Variants in ADGRV1 observed in about 807,000 individuals in gnomAD.
ADGRV1 encodes G-protein coupled receptor 98.
Under a neutral mutation model 596.2 loss-of-function variants are expected in ADGRV1, and 359 were observed. The ratio of observed to expected loss-of-function variants is 0.60; its 90% CI spans 0.55 to 0.66. The LOEUF is 0.66. Among genes scored for constraint, ADGRV1 ranks in the 30% least tolerant of loss-of-function variants. ADGRV1 has a pLI of 0.00. For missense variants in ADGRV1, 7,274 were observed against 7,575.6 expected (o/e 0.96, Z 1.48); for synonymous variants, 2,681 against 2,679.2 (o/e 1.00, Z -0.02).
chr5:90,787,043 A>T (rs1206826835), intron 67 of ADGRV1, among the ~76,000 whole-genome samples: 1 of 152,204 alleles, frequency 6.6e-6, no homozygotes, highest in East Asian at 1.9e-4. Flanking sequence ...GATCAGAGGA[A>T]GGAGAACCAG....
In ADGRV1 at chr5:90,672,615, G is replaced by T; in HGVS notation, c.4822G>T (p.Val1608Phe). The T allele has an allele frequency of 6.2e-7, 1 of 1,613,746 alleles. No individual in the cohort carries two copies. Among genetic ancestry groups the T allele is most frequent in the Non-Finnish European group, 8.5e-7 (1 of 1,179,716 alleles). Residue 1608 changes from valine to phenylalanine, a missense_variant, in exon 22 of 90, where the codon GTT becomes TTT. By Grantham distance (50) the Val-to-Phe change is conservative. Transcript: ENST00000405460. ...CAGAGGAGCTCTGGATTATGTGCAT[G>T]TTTTTTACACCATTTCACAGATTGA... ...RTRGALDYVH[V>F]FYTISQIETD... is the part of the protein sequence containing the mutation.
intron 87 of ADGRV1, among the ~76,000 whole-genome samples, chr5:91,128,090 C>G (rs1248672531): frequency 6.6e-6 from 1 of 151,790 alleles, no homozygotes; most frequent in Non-Finnish European, 1.5e-5. Flanking sequence ...TCCCAATGCC[C>G]TCCCCTCCCT....
chr5:90,829,012 C>A lies in ADGRV1; in HGVS notation c.16437C>A (p.Asn5479Lys), dbSNP rs747967195. Residue 5479 changes from asparagine to lysine, a missense_variant, in exon 77 of 90, where the codon AAC becomes AAA. Around this residue, in one of 5 missense-constraint regions of ADGRV1, gnomAD observed 1,874 missense variants for 1,970.2 expected, o/e 0.95. Coordinates refer to ENST00000405460, the MANE Select transcript of ADGRV1 (RefSeq NM_032119.4). ...CTACTGCTGGAGCAGCAATAAACAACAGTGCCAGATTCGCACAGATTAAAA... is the reference window on the plus strand; with the variant it reads ...CTACTGCTGGAGCAGCAATAAACAAAAGTGCCAGATTCGCACAGATTAAAA... ...YEATAGAAIN[N>K]SARFAQIKIL... 6.8e-6 allele frequency: 11 copies of A among 1,608,548 alleles called. No individual in the cohort carries two copies. In the East Asian group the frequency reaches 2.5e-4, roughly 36 times the overall value.
intron 87 of ADGRV1, 68 bp from the exon 88 acceptor site, chr5:91,149,962 G>A: frequency 7.5e-7 from 1 of 1,329,790 alleles, no homozygotes; most frequent in Non-Finnish European, 1.0e-6. Context: ...TACGGTAGCA[G>A]GACTGACTTT....
intron 83 of ADGRV1, among the ~76,000 whole-genome samples, chr5:90,926,172 T>G (rs1774421795): frequency 6.6e-6 from 1 of 151,418 alleles, no homozygotes; most frequent in South Asian, 2.1e-4. Flanking sequence ...GGATTCCCTC[T>G]TTTTGTATTG....
chr5:90,650,916 C>G (rs1347070587), intron 17 of ADGRV1, among the ~76,000 whole-genome samples: 1 of 152,168 alleles, frequency 6.6e-6, no homozygotes, highest in Non-Finnish European at 1.5e-5. Context: ...ATGGGAAGGA[C>G]TTTTGCTCCC....
intron 71 of ADGRV1, 35 bp from the exon 72 acceptor site, chr5:90,805,249 A>G (rs1028169955): frequency 6.3e-6 from 10 of 1,581,478 alleles, no homozygotes; most frequent in Non-Finnish European, 7.8e-6. Context: ...AGGTTTAGAG[A>G]GAAATAAAAT....
chr5:91,086,567 A>G (rs149983231), intron 86 of ADGRV1, among the ~76,000 whole-genome samples: 1 of 152,288 alleles, frequency 6.6e-6, no homozygotes, highest in Non-Finnish European at 1.5e-5. Flanking sequence ...GAGTCTCACT[A>G]TAGACTTACT....
intron 1 of ADGRV1, among the ~76,000 whole-genome samples, chr5:90,590,550 C>A (rs1759354674): frequency 6.6e-6 from 1 of 152,140 alleles, no homozygotes; most frequent in Non-Finnish European, 1.5e-5. Context: ...TCCAAGAGGA[C>A]TGGGCAGAAA....
intron 89 of ADGRV1, among the ~76,000 whole-genome samples, chr5:91,158,532 G>T (rs1189701842): frequency 6.6e-6 from 1 of 152,110 alleles, no homozygotes; most frequent in Non-Finnish European, 1.5e-5. Flanking sequence ...CTGTTAATCA[G>T]GTTTGTTCTA....
intron 1 of ADGRV1, among the ~76,000 whole-genome samples, chr5:90,576,747 G>C (rs1485289888): frequency 6.6e-6 from 1 of 152,124 alleles, no homozygotes. Flanking sequence ...GTCTGAAAGC[G>C]TTCCTATTTC....
At chr5:90,986,392 C>G (rs924353013) in intron 85 of ADGRV1, among the ~76,000 whole-genome samples, 1 of 151,900 alleles carries the variant, frequency 6.6e-6, no homozygotes, top group African/African-American at 2.4e-5. Context: ...AGTTAAAGTA[C>G]TATATCAGCA....
chr5:90,946,614 C>G (rs1434624349), intron 83 of ADGRV1, among the ~76,000 whole-genome samples: 4 of 152,052 alleles, frequency 2.6e-5, no homozygotes, highest in Non-Finnish European at 2.9e-5. Flanking sequence ...CTCCCTCCCC[C>G]CACTCCCCAC....
intron 28 of ADGRV1, 145 bp from the exon 29 acceptor site, chr5:90,685,635 T>TGGAAA (rs1745520281): frequency 4.3e-6 from 1 of 232,624 alleles, no homozygotes. Flanking sequence ...AATAAATAAA[T>TGGAAA]AAATAAAATA....
intron 83 of ADGRV1, among the ~76,000 whole-genome samples, chr5:90,961,507 A>AGTG (rs1554178780): frequency 1.2e-5 from 1 of 82,024 alleles, no homozygotes; most frequent in African/African-American, 5.8e-5. Flanking sequence ...AAAAAAAAAA[A>AGTG]GGGGGGGTGG....
At chr5:90,675,202 A>G in intron 23 of ADGRV1, 41 bp from the exon 24 acceptor site, 1 of 1,538,470 alleles carries the variant, frequency 6.5e-7, no homozygotes, top group Non-Finnish European at 8.9e-7. Flanking sequence ...ATTCTTGCAC[A>G]GTTCATTGGG....
chr5:90,922,070 T>C (rs1773929950), intron 83 of ADGRV1, among the ~76,000 whole-genome samples: 2 of 152,142 alleles, frequency 1.3e-5, no homozygotes, highest in Admixed American at 1.3e-4. Context: ...ACTCTATCAG[T>C]ATTGGAGGAT....
chr5:90,881,631 T>C (rs776416347), intron 83 of ADGRV1, among the ~76,000 whole-genome samples: 2 of 152,146 alleles, frequency 1.3e-5, no homozygotes, highest in Non-Finnish European at 2.9e-5. Flanking sequence ...TTTGTAATAG[T>C]TTCCAGCTGT....
In ADGRV1 at chr5:90,689,477, A is replaced by G. The variant is rs116814020; in HGVS notation, c.6491-384A>G. On this transcript the variant is annotated intron_variant, in intron 29 of 89. Transcript: ENST00000405460. ...CCATATCTGTGCAGTGGTATAATTTATCTTTCCAGTGGCATTACAATTCTA... is the reference window on the plus strand; with the variant it reads ...CCATATCTGTGCAGTGGTATAATTTGTCTTTCCAGTGGCATTACAATTCTA... Among the ~76,000 whole-genome samples, 328 of 151,434 alleles carry G rather than the reference A, an allele frequency of 2.2e-3. 2 individuals carry two copies. The highest frequency in any genetic ancestry group is 4.2e-3 in the Non-Finnish European group (285 of 67,938).
Sources: gnomAD v4.1 joint callset for allele counts (sites outside exome capture counted in the v4.1 genomes callset) on GRCh38, gnomAD v4.1.1 for gene constraint, gnomAD v4.1.1 regional missense constraint, MANE v1.5 for transcripts, NCBI Gene and HGNC (gene_info 2026-07-23, HGNC 2026-07-21) for gene names.